The following XRCC4 variants were observed in gnomAD, a reference collection of about 807,000 sequenced individuals.
XRCC4 encodes the protein DNA repair protein XRCC4.
XRCC4 carries 28 observed loss-of-function variants against 39.1 expected under a neutral mutation model. The ratio of observed to expected loss-of-function variants is 0.72; its 90% confidence interval spans 0.53 to 0.98. XRCC4 has a LOEUF of 0.98. XRCC4 is among the 50% of genes least tolerant of loss of function. XRCC4 has a pLI of 0.00. For synonymous variants in XRCC4, 123 were observed against 126.4 expected (o/e 0.97, Z 0.18); for missense variants, 350 against 376.4 (o/e 0.93, Z 0.58).
intron 3 of XRCC4, among the ~76,000 whole-genome samples, chr5:83,176,649 G>T (rs889221610): frequency 3.3e-4 from 47 of 144,366 alleles, no homozygotes; most frequent in African/African-American, 1.1e-3. Context: ...TTTTGACAAG[G>T]TCTCACTCTG....
chr5:83,087,121 A>C (rs1317282884), intron 1 of XRCC4, among the ~76,000 whole-genome samples: 1 of 152,100 alleles, frequency 6.6e-6, no homozygotes, highest in Non-Finnish European at 1.5e-5. Context: ...TTTCAAGTCC[A>C]GCCTGGCCAA....
chr5:83,246,091 G>T (rs933605598), intron 6 of XRCC4, among the ~76,000 whole-genome samples: 4 of 151,556 alleles, frequency 2.6e-5, no homozygotes, highest in African/African-American at 9.7e-5. Context: ...TTTACTTACA[G>T]CATTTATATT....
intron 1 of XRCC4, among the ~76,000 whole-genome samples, chr5:83,090,667 T>A (rs981624714): frequency 6.6e-6 from 1 of 152,086 alleles, no homozygotes; most frequent in African/African-American, 2.4e-5. Context: ...GGTGACCAGC[T>A]CCATCCTGAG....
At chr5:83,144,837 T>C (rs181859737) in intron 3 of XRCC4, among the ~76,000 whole-genome samples, 377 of 152,228 alleles carry the variant, frequency 2.5e-3, no homozygotes, top group African/African-American at 8.7e-3. Flanking sequence ...CATTTGGTTC[T>C]TGTTTATAGC....
At chr5:83,304,729 A>AT (rs3836876) in intron 7 of XRCC4, among the ~76,000 whole-genome samples, 101,689 of 151,798 alleles carry the variant, frequency 0.67, 36,987 homozygotes, top group Non-Finnish European at 0.84. Context: ...CATGTTATTG[A>AT]TTTTTTCATA....
chr5:83,295,956 C>CTT (rs1388806729), intron 7 of XRCC4, among the ~76,000 whole-genome samples: 3 of 152,030 alleles, frequency 2.0e-5, no homozygotes, highest in Non-Finnish European at 4.4e-5. Context: ...AAGAGTAGAA[C>CTT]TTTAGAGGAC....
intron 3 of XRCC4, among the ~76,000 whole-genome samples, chr5:83,145,964 A>G (rs1440923492): frequency 6.6e-6 from 1 of 151,602 alleles, no homozygotes; most frequent in Non-Finnish European, 1.5e-5. Flanking sequence ...AGAGCTCTAT[A>G]CTTAGCTTTT....
rs549653330 is a variant in XRCC4, at chr5:83,102,000, T to C, written c.-10-2910T>C. Among the ~76,000 whole-genome samples the C allele has an allele frequency of 1.1e-4, 16 of 150,424 alleles. No homozygotes were observed. In the East Asian group the frequency reaches 2.7e-3, roughly 25 times the overall value. On this transcript the variant is annotated intron_variant, in intron 1 of 7. Transcript: ENST00000396027. ...GATATTAAACTCAAATAGGAATTTT[T>C]AGAATGATGTAGCTGCCAAAAACAT...
chr5:83,285,831 C>T (rs141985927), intron 7 of XRCC4, among the ~76,000 whole-genome samples: 1 of 152,180 alleles, frequency 6.6e-6, no homozygotes, highest in East Asian at 1.9e-4. Flanking sequence ...CTTTGTTCAG[C>T]GGGGCGGAGG....
intron 7 of XRCC4, among the ~76,000 whole-genome samples, chr5:83,338,003 A>G (rs759168091): frequency 6.6e-6 from 1 of 152,208 alleles, no homozygotes; most frequent in Non-Finnish European, 1.5e-5. Context: ...TAAGTAGAGA[A>G]GGTAGAAGAG....
At chr5:83,083,735 T>C (rs527525169) in intron 1 of XRCC4, among the ~76,000 whole-genome samples, 1 of 152,182 alleles carries the variant, frequency 6.6e-6, no homozygotes, top group Non-Finnish European at 1.5e-5. Context: ...TCTGAAACAC[T>C]GAATTATTTA....
At chr5:83,083,758 A>G (rs865958425) in intron 1 of XRCC4, among the ~76,000 whole-genome samples, 1 of 152,206 alleles carries the variant, frequency 6.6e-6, no homozygotes, top group African/African-American at 2.4e-5. Flanking sequence ...ACTTCCATGT[A>G]TCATGCTATT....
At chr5:83,269,561 T>A (rs1027442107) in intron 7 of XRCC4, among the ~76,000 whole-genome samples, 1 of 151,812 alleles carries the variant, frequency 6.6e-6, no homozygotes, top group Non-Finnish European at 1.5e-5. Flanking sequence ...TGAGAAAATA[T>A]ATTACATTTG....
At chr5:83,366,012 C>A in the XRCC4 span, among the ~76,000 whole-genome samples, 1 of 152,118 alleles carries the variant, frequency 6.6e-6, no homozygotes, top group Non-Finnish European at 1.5e-5. Context: ...AGCTTATGCC[C>A]CCTAGTAACC....
intron 3 of XRCC4, among the ~76,000 whole-genome samples, chr5:83,128,875 G>C (rs1747411049): frequency 6.6e-6 from 1 of 151,556 alleles, no homozygotes; most frequent in Admixed American, 6.6e-5. Context: ...CTGGATATTA[G>C]CCTTTTGTCA....
chr5:83,274,660 T>C (rs1308079628), intron 7 of XRCC4, among the ~76,000 whole-genome samples: 1 of 152,150 alleles, frequency 6.6e-6, no homozygotes, highest in Admixed American at 6.5e-5. Flanking sequence ...AAATTGGCAT[T>C]TAAGCTGAGC....
At chr5:83,122,991 T>A (rs1197277554) in intron 3 of XRCC4, among the ~76,000 whole-genome samples, 1 of 151,674 alleles carries the variant, frequency 6.6e-6, no homozygotes, top group East Asian at 1.9e-4. Context: ...CTTGAAAGAA[T>A]TATTCATTTG....
intron 6 of XRCC4, among the ~76,000 whole-genome samples, chr5:83,214,836 CAA>C (rs796471835): frequency 7.7e-5 from 6 of 77,754 alleles, no homozygotes; most frequent in East Asian, 1.3e-3. Flanking sequence ...GACTCCTTCT[CAA>C]AAAAAAAAAA....
intron 3 of XRCC4, among the ~76,000 whole-genome samples, chr5:83,130,637 CA>C: frequency 6.6e-6 from 1 of 152,214 alleles, no homozygotes; most frequent in South Asian, 2.1e-4. Flanking sequence ...ATTATTGCCT[CA>C]ATTTCAGAAC....
Sources: allele counts gnomAD v4.1 joint callset (sites outside exome capture counted in the v4.1 genomes callset), GRCh38; gene constraint gnomAD v4.1.1; transcripts MANE v1.5; gene names NCBI Gene and HGNC (gene_info 2026-07-23, HGNC 2026-07-21).